Variants in GATA2 observed in about 807,000 individuals in gnomAD.
GATA2 encodes the protein GATA binding protein 2.
GATA2 carries 6 observed loss-of-function variants against 35.7 expected under a neutral mutation model. The observed-to-expected ratio is 0.17, with a 90% CI of 0.09 to 0.33. GATA2 has a LOEUF of 0.33. Among genes scored for constraint, GATA2 ranks in the 10% least tolerant of loss-of-function variants. The pLI is 1.00. For missense variants in GATA2, 541 were observed against 656.6 expected, an observed-to-expected ratio of 0.82 and a Z score of 1.92; for synonymous variants, 313 against 274.9, an observed-to-expected ratio of 1.14 and a Z score of -1.37.
At chr3:128,481,725 A>T in intron 5 of GATA2, 94 bp downstream of exon 5, 1 of 1,479,910 alleles carries the variant, frequency 6.8e-7, no homozygotes, top group Non-Finnish European at 9.2e-7. Flanking sequence ...AAGCCAAGCC[A>T]AGCTGGATAT....
rs915784437 is a variant in GATA2, at chr3:128,488,132, CACT to C, written c.-45-1059_-45-1057del. Among the ~76,000 whole-genome samples, 2 of 152,166 alleles carry C rather than the reference CACT, an allele frequency of 1.3e-5. No individual in the cohort carries two copies. The highest frequency in any genetic ancestry group is 4.8e-5 in the African/African-American group (2 of 41,444). On this transcript the variant is annotated intron_variant, in intron 1 of 5. Coordinates refer to ENST00000341105, the MANE Select transcript of GATA2 (RefSeq NM_032638.5). This position sits in a 1 kb window ranked among gnomAD's most constrained non-coding sequence, Gnocchi z 5.8. ...GGCCCCTGCTGCCAACGCGCCCCAC[CACT>C]AAGGGACCCTCACCCCAAGGCCCGA...
At chr3:128,483,247 G>A (rs2068653502) in intron 4 of GATA2, among the ~76,000 whole-genome samples, 1 of 152,208 alleles carries the variant, frequency 6.6e-6, no homozygotes, top group Non-Finnish European at 1.5e-5. Context: ...CCAGCGAGAG[G>A]CAGGACTGAG....
At chr3:128,487,126 C>CA in intron 1 of GATA2, 50 bp from the exon 2 acceptor site, 3 of 1,040,288 alleles carry the variant, frequency 2.9e-6, no homozygotes, top group Non-Finnish European at 4.1e-6. Flanking sequence ...TGACACCCCC[C>CA]AAAGTCCCAC....
At chr3:128,491,468 G>A (rs1420888405) in intron 1 of GATA2, among the ~76,000 whole-genome samples, 2 of 152,196 alleles carry the variant, frequency 1.3e-5, no homozygotes, top group Non-Finnish European at 2.9e-5. Context: ...GGGGTACGGG[G>A]AGGAAGTGGG....
At chr3:128,484,261 G>C (rs1407315552) in intron 3 of GATA2, among the ~76,000 whole-genome samples, 2 of 152,252 alleles carry the variant, frequency 1.3e-5, no homozygotes, top group Non-Finnish European at 1.5e-5. Context: ...AACGAAGGAG[G>C]AGGGGAGGAG....
Position 128,480,902 on chromosome 3 carries a change from G to T in GATA2, c.*117C>A. ...GCTGCTGGGCGCCCTCCAGGAGAGG[G>T]GGTGCTGGGCCGAGCCGGGCTGGCA... On this transcript the variant is annotated 3_prime_UTR_variant, in exon 6 of 6. Transcript: ENST00000341105. 8.4e-7 allele frequency: 1 copy of T among 1,189,618 alleles called. No individual in the cohort carries two copies. The highest frequency in any genetic ancestry group is 1.2e-6 in the Non-Finnish European group (1 of 863,812). 73.7% of individuals were successfully genotyped at this position (1,189,618 alleles called of 1,614,324 possible).
In GATA2 at chr3:128,485,941, C is replaced by T. The variant is rs138688940; in HGVS notation, c.657G>A (p.Glu219=). The change falls in exon 3 of 6, where the codon GAG becomes GAA. Residue 219 remains glutamate (E), a synonymous_variant. Coordinates refer to ENST00000341105, the MANE Select transcript of GATA2 (RefSeq NM_032638.5). ...GACTGCCACTTTCCATCTTCATGCT[C>T]TCCGTCAGTGACACCTGGTACTTGA... ...DGVKYQVSLT[E]SMKMESGSPL... The T allele has an allele frequency of 1.3e-4, 207 of 1,614,072 alleles. No homozygotes were observed. Among genetic ancestry groups the T allele is most frequent in the Non-Finnish European group, 1.6e-4 (194 of 1,180,042 alleles).
At position 128,486,956 on chromosome 3, in the gene GATA2, G is replaced by A; in HGVS notation, c.76C>T (p.His26Tyr). The A allele has an allele frequency of 1.9e-6, 3 of 1,612,382 alleles. No homozygotes were observed. Among genetic ancestry groups the A allele is most frequent in the Non-Finnish European group, 2.5e-6 (3 of 1,179,320 alleles). The change falls in exon 2 of 6, where the codon CAC becomes TAC. Residue 26 changes from histidine to tyrosine, a missense_variant. Physicochemically the swap from His to Tyr is moderately conservative, Grantham distance 83. Around this residue, in one of 5 missense-constraint regions of GATA2, gnomAD observed 389 missense variants for 396.9 expected, o/e 0.98. Coordinates refer to ENST00000341105, the MANE Select transcript of GATA2 (RefSeq NM_032638.5). ...ATGTAGTTGTGCGCCAGGCCCGGGT[G>A]GTGTGAGTCGGGGTGCTGCGCATTC... is the stretch of plus-strand genomic sequence containing the variant. ...VLNAQHPDSH[H>Y]PGLAHNYMEP...
chr3:128,492,395 C>G (rs13077822), intron 1 of GATA2, among the ~76,000 whole-genome samples: 6 of 152,186 alleles, frequency 3.9e-5, no homozygotes, highest in Non-Finnish European at 8.8e-5. Context: ...ACCCGGCGCT[C>G]TCCCCCACAC....
chr3:128,489,820 A>T (rs1206041381), intron 1 of GATA2: 3 of 152,124 alleles, frequency 2.0e-5, no homozygotes, highest in Non-Finnish European at 4.4e-5. Flanking sequence ...ATCGCCGCGG[A>T]GCTCGAGCCT....
intron 3 of GATA2, among the ~76,000 whole-genome samples, chr3:128,484,927 T>G (rs1442921781): frequency 6.6e-6 from 1 of 151,876 alleles, no homozygotes; most frequent in Non-Finnish European, 1.5e-5. Flanking sequence ...CACTCAGGAG[T>G]AACTGTTTTA....
At position 128,479,675 on chromosome 3, in the gene GATA2, A is replaced by C. The variant is rs1340149720; in HGVS notation, c.*1344T>G. The C allele has an allele frequency of 4.3e-6, 1 of 233,568 alleles. No homozygotes were observed. Among genetic ancestry groups the C allele is most frequent in the African/African-American group, 2.2e-5 (1 of 45,356 alleles). The allele number at this position is 233,568 out of a possible 1,614,324, so 14.5% of individuals were successfully genotyped here. On this transcript the variant is annotated 3_prime_UTR_variant, in exon 6 of 6. Coordinates refer to ENST00000341105, the MANE Select transcript of GATA2 (RefSeq NM_032638.5). ...TGCTCCCTGCAGCGACTGCCCGCCCATATTGCACTTGGTCACTACATCAGC... is the reference window on the plus strand; with the variant it reads ...TGCTCCCTGCAGCGACTGCCCGCCCCTATTGCACTTGGTCACTACATCAGC...
In GATA2 at chr3:128,485,945, G is replaced by T; in HGVS notation, c.653C>A (p.Thr218Lys). 6.2e-7 allele frequency: 1 copy of T among 1,614,172 alleles called. No homozygotes were observed. Among genetic ancestry groups the T allele is most frequent in the Non-Finnish European group, 8.5e-7 (1 of 1,180,026 alleles). ...KDGVKYQVSL[T>K]ESMKMESGSP... ...GCCACTTTCCATCTTCATGCTCTCC[G>T]TCAGTGACACCTGGTACTTGACGCC... The change falls in exon 3 of 6, where the codon ACG (threonine) becomes AAG (lysine). Residue 218 changes from threonine to lysine, a missense_variant. Around this residue, in one of 5 missense-constraint regions of GATA2, gnomAD observed 389 missense variants for 396.9 expected, o/e 0.98. Coordinates refer to ENST00000341105, the MANE Select transcript of GATA2 (RefSeq NM_032638.5).
Position 128,481,130 on chromosome 3 carries a change from C to A in GATA2, c.1332G>T (p.Pro444=). Residue 444 remains proline, a synonymous_variant, in exon 6 of 6, where the codon CCG becomes CCT. Coordinates refer to ENST00000341105, the MANE Select transcript of GATA2 (RefSeq NM_032638.5). ...AGHMAPVGHL[P]PFSHSGHILP... ...GGATGTGTCCGGAGTGGCTGAAGGG[C>A]GGGAGGTGGCCCACAGGTGCCATGT... The A allele has an allele frequency of 6.2e-7, 1 of 1,614,138 alleles. No homozygotes were observed. Among genetic ancestry groups the A allele is most frequent in the Non-Finnish European group, 8.5e-7 (1 of 1,180,008 alleles).
At chr3:128,491,392 C>T (rs928465567) in intron 1 of GATA2, among the ~76,000 whole-genome samples, 54 of 152,342 alleles carry the variant, frequency 3.5e-4, no homozygotes, top group African/African-American at 1.3e-3. Context: ...AAGGGACTAC[C>T]TTCCATAGAG....
In GATA2 at chr3:128,488,125, G is replaced by A. The variant is rs919343132; in HGVS notation, c.-45-1049C>T. ...TCCTGGCGGCCCCTGCTGCCAACGC[G>A]CCCCACCACTAAGGGACCCTCACCC... On this transcript the variant is annotated intron_variant, in intron 1 of 5. Transcript: ENST00000341105. The surrounding 1 kb of genome is among the most constrained non-coding windows in gnomAD (Gnocchi z 5.8). 6.6e-6 allele frequency among the ~76,000 whole-genome samples: 1 copy of A among 151,846 alleles called. No individual in the cohort carries two copies. Among genetic ancestry groups the A allele is most frequent in the Non-Finnish European group, 1.5e-5 (1 of 67,950 alleles).
chr3:128,490,945 A>ATT (rs1031700940), intron 1 of GATA2, among the ~76,000 whole-genome samples: 3 of 152,192 alleles, frequency 2.0e-5, no homozygotes, highest in African/African-American at 7.2e-5. Flanking sequence ...CTTTGATCAC[A>ATT]TTAAGAAGCT....
chr3:128,481,342 GA>G, intron 5 of GATA2, 24 bp from the exon 6 acceptor site: 1 of 1,608,012 alleles, frequency 6.2e-7, no homozygotes, highest in Non-Finnish European at 8.5e-7. Flanking sequence ...CCAGTTTTCA[GA>G]GGGCCAGTTC....
intron 1 of GATA2, among the ~76,000 whole-genome samples, chr3:128,491,219 C>CCCG (rs2068764234): frequency 1.1e-5 from 1 of 88,388 alleles, no homozygotes; most frequent in African/African-American, 4.8e-5. Context: ...CCCCCCCCCC[C>CCCG]CTCTGAGCCC....
Sources: allele counts gnomAD v4.1 joint callset (sites outside exome capture counted in the v4.1 genomes callset), GRCh38; gene constraint gnomAD v4.1.1; regional missense constraint gnomAD v4.1.1; non-coding constraint Gnocchi (gnomAD v3.1); transcripts MANE v1.5; gene names NCBI Gene and HGNC (gene_info 2026-07-23, HGNC 2026-07-21).